LRIG1: variants seen among roughly 807,000 people sequenced by gnomAD.
The protein encoded by LRIG1 is leucine rich repeats and immunoglobulin like domains 1, also known as leucine-rich repeats and immunoglobulin-like domains protein 1.
Under a neutral mutation model 99.2 loss-of-function variants are expected in LRIG1, and 48 were observed. The observed-to-expected ratio is 0.48, with a 90% confidence interval of 0.38 to 0.62. The LOEUF (loss-of-function observed/expected upper bound fraction) is 0.62, where lower values mean the gene tolerates loss of function less well. Among genes scored for constraint, LRIG1 ranks in the 20% least tolerant of loss-of-function variants. LRIG1 has a pLI of 0.00. For missense variants in LRIG1, 1,646 were observed against 1,434.4 expected (o/e 1.15, Z -2.38); for synonymous variants, 772 against 596.1 (o/e 1.29, Z -4.30).
At position 66,423,365 on chromosome 3, in the gene LRIG1, GT is replaced by G. The variant is rs551210470; in HGVS notation, c.366-6100del. On this transcript the variant is annotated intron_variant, in intron 3 of 18. Transcript: ENST00000273261. ...GTGGGCGGATCACCTTAGGTCAGGA[GT>G]TTTGAGACCAGCCTGACCAACATGG... Among the ~76,000 whole-genome samples, 1,260 of 152,230 alleles carry G rather than the reference GT, an allele frequency of 8.3e-3. 21 individuals are homozygous for G. The highest frequency in any genetic ancestry group is 0.029 in the African/African-American group (1,202 of 41,526).
At chr3:66,403,132 C>G (rs1465100855) in intron 9 of LRIG1, among the ~76,000 whole-genome samples, 1 of 152,134 alleles carries the variant, frequency 6.6e-6, no homozygotes, top group Non-Finnish European at 1.5e-5. Context: ...GCCAATCCTC[C>G]TCCGGTCGTG....
Position 66,451,544 on chromosome 3 carries a change from A to G in LRIG1, c.365+15T>C. 3 of 1,613,536 alleles carry G rather than the reference A, an allele frequency of 1.9e-6. No individual in the cohort carries two copies. Among genetic ancestry groups the G allele is most frequent in the South Asian group, 1.1e-5 (1 of 91,048 alleles). Reference sequence around the variant, plus strand: ...CCACCACACAGCCCAGAGTCCCCCAAACGGCACCACTTACAGAAAGAGAGA... The same window carrying G: ...CCACCACACAGCCCAGAGTCCCCCAGACGGCACCACTTACAGAAAGAGAGA... On this transcript the variant is annotated intron_variant, in intron 3 of 18. Coordinates refer to ENST00000273261, the MANE Select transcript of LRIG1 (RefSeq NM_015541.3).
At chr3:66,472,026 C>T (rs1414686947) in intron 1 of LRIG1, among the ~76,000 whole-genome samples, 1 of 152,062 alleles carries the variant, frequency 6.6e-6, no homozygotes, top group African/African-American at 2.4e-5. Flanking sequence ...AACTTCGGGC[C>T]AGGCGTGGTG....
chr3:66,413,502 A>G (rs1210409573), intron 5 of LRIG1, among the ~76,000 whole-genome samples: 9 of 152,340 alleles, frequency 5.9e-5, no homozygotes, highest in African/African-American at 2.2e-4. Flanking sequence ...GGCATTTCAC[A>G]GCATCTCCAC....
chr3:66,468,250 T>C (rs1423748288), intron 1 of LRIG1, among the ~76,000 whole-genome samples: 1 of 152,194 alleles, frequency 6.6e-6, no homozygotes, highest in African/African-American at 2.4e-5. Flanking sequence ...ACAACCCCAC[T>C]TCGTTAGACA....
chr3:66,498,736 T>A (rs978331431), intron 1 of LRIG1, among the ~76,000 whole-genome samples: 2 of 152,110 alleles, frequency 1.3e-5, no homozygotes, highest in South Asian at 4.2e-4. Context: ...ACAGAAGAAG[T>A]AGATATTGAA....
intron 1 of LRIG1, among the ~76,000 whole-genome samples, chr3:66,467,541 T>A (rs1247993660): frequency 6.6e-6 from 1 of 151,788 alleles, no homozygotes; most frequent in Non-Finnish European, 1.5e-5. Context: ...TTGTATTTTT[T>A]AAGTAGAGAC....
intron 1 of LRIG1, 47 bp downstream of exon 1, chr3:66,500,143 G>A (rs1021385348): frequency 1.4e-6 from 2 of 1,452,394 alleles, no homozygotes; most frequent in South Asian, 1.2e-5. Context: ...CCATCCCCAA[G>A]TGACAGAGCC....
chr3:66,496,329 G>A (rs1701227069), intron 1 of LRIG1, among the ~76,000 whole-genome samples: 1 of 152,156 alleles, frequency 6.6e-6, no homozygotes, highest in Non-Finnish European at 1.5e-5. Flanking sequence ...TCCTACTTTA[G>A]CAGTACTCAA....
At chr3:66,408,503 T>A (rs1283554481) in intron 7 of LRIG1, among the ~76,000 whole-genome samples, 1 of 152,192 alleles carries the variant, frequency 6.6e-6, no homozygotes, top group Admixed American at 6.5e-5. Context: ...CTAGAGGGCA[T>A]GGAAGAGGGC....
At position 66,382,934 on chromosome 3, in the gene LRIG1, C is replaced by A. The variant is rs751756913; in HGVS notation, c.2491+48G>T. ...AACCCGGCCCAGTTCCCCAGCATCA[C>A]TGCCATTCCTCCCTCCTTGAAAGTC... On this transcript the variant is annotated intron_variant, in intron 15 of 18. Transcript: ENST00000273261. 6.5e-6 allele frequency: 10 copies of A among 1,540,456 alleles called. No individual in the cohort carries two copies. In the Admixed American group the frequency reaches 1.8e-4, roughly 28 times the overall value.
At chr3:66,468,828 A>G (rs1700533949) in intron 1 of LRIG1, among the ~76,000 whole-genome samples, 1 of 152,226 alleles carries the variant, frequency 6.6e-6, no homozygotes, top group South Asian at 2.1e-4. Flanking sequence ...TAATCCTTTA[A>G]GCTTTTAAGA....
chr3:66,485,513 GT>G lies in LRIG1; in HGVS notation c.218+14676del, dbSNP rs372935989. Among the ~76,000 whole-genome samples the G allele has an allele frequency of 3.6e-4, 55 of 152,274 alleles. 1 individual carries two copies. The East Asian group carries it at 9.3e-3, about 26-fold the overall frequency. ...TCGCCCATCTTTTAGATGTGTCTCA[GT>G]CTGCAAATTATCTAACGATTCATCA... On this transcript the variant is annotated intron_variant, in intron 1 of 18. Transcript: ENST00000273261.
In LRIG1 at chr3:66,412,910, G is replaced by A; in HGVS notation, c.752C>T (p.Thr251Ile). The change falls in exon 6 of 19, where the codon ACA becomes ATA. Residue 251 changes from threonine to isoleucine, a missense_variant. Coordinates refer to ENST00000273261, the MANE Select transcript of LRIG1 (RefSeq NM_015541.3). ...GGACAGTCCCCAGAAGGCCCCATCT[G>A]TCAGTTTGCTGATGTTGTTTCGCTG... Reference protein sequence around the residue: ...KLQRNNISKLTDGAFWGLSKM... With the variant: ...KLQRNNISKLIDGAFWGLSKM... 6.2e-7 allele frequency: 1 copy of A among 1,614,204 alleles called. No individual in the cohort carries two copies. Among genetic ancestry groups the A allele is most frequent in the Non-Finnish European group, 8.5e-7 (1 of 1,180,034 alleles).
At chr3:66,440,453 G>T (rs1174933276) in intron 3 of LRIG1, among the ~76,000 whole-genome samples, 1 of 152,176 alleles carries the variant, frequency 6.6e-6, no homozygotes, top group East Asian at 1.9e-4. Context: ...TCCCGTAAGA[G>T]GAATGAACAG....
chr3:66,451,997 G>A (rs772991084), intron 2 of LRIG1, among the ~76,000 whole-genome samples: 10 of 152,278 alleles, frequency 6.6e-5, no homozygotes, highest in African/African-American at 1.4e-4. Context: ...CCCGTGGGCC[G>A]AAATTTGCCC....
chr3:66,420,841 T>C (rs753405929), intron 3 of LRIG1, among the ~76,000 whole-genome samples: 68 of 152,314 alleles, frequency 4.5e-4, no homozygotes, highest in Non-Finnish European at 8.4e-4. Flanking sequence ...TTCATGCTGC[T>C]GATAAAGACA....
At chr3:66,437,564 T>C (rs1172030967) in intron 3 of LRIG1, among the ~76,000 whole-genome samples, 1 of 152,186 alleles carries the variant, frequency 6.6e-6, no homozygotes, top group Non-Finnish European at 1.5e-5. Context: ...TGCCCAAGCC[T>C]GTCTCTCCAC....
chr3:66,414,881 T>C, intron 5 of LRIG1, 39 bp downstream of exon 5: 1 of 1,516,054 alleles, frequency 6.6e-7, no homozygotes, highest in Non-Finnish European at 8.8e-7. Flanking sequence ...TCCATAAAGT[T>C]TGGCTAGCCT....
Sources: allele counts gnomAD v4.1 joint callset (sites outside exome capture counted in the v4.1 genomes callset), GRCh38; gene constraint gnomAD v4.1.1; transcripts MANE v1.5; gene names NCBI Gene and HGNC (gene_info 2026-07-23, HGNC 2026-07-21).